OPCML: variants seen among roughly 807,000 people sequenced by gnomAD.
The protein encoded by OPCML is opioid-binding protein/cell adhesion molecule.
OPCML carries 13 observed loss-of-function variants against 37.8 expected under a neutral mutation model. The ratio of observed to expected loss-of-function variants is 0.34; its 90% CI spans 0.22 to 0.55. OPCML has a LOEUF of 0.55. Among genes scored for constraint, OPCML ranks in the 20% least tolerant of loss-of-function variants. The pLI, the probability that OPCML is intolerant of heterozygous loss-of-function variation, is 0.91. For missense variants in OPCML, 341 were observed against 435.6 expected (o/e 0.78, Z 1.93); for synonymous variants, 176 against 168.8 (o/e 1.04, Z -0.33).
chr11:132,707,288 G>A (rs938964538), intron 2 of OPCML, among the ~76,000 whole-genome samples: 11 of 152,184 alleles, frequency 7.2e-5, no homozygotes, highest in African/African-American at 2.4e-4. Flanking sequence ...AGGATGAGAC[G>A]GCAACAAACA....
At chr11:132,464,805 G>A (rs1213687343) in intron 4 of OPCML, among the ~76,000 whole-genome samples, 1 of 152,058 alleles carries the variant, frequency 6.6e-6, no homozygotes, top group Non-Finnish European at 1.5e-5. Flanking sequence ...TAAACTCCCT[G>A]ATAAAAGATT....
chr11:133,510,097 G>A (rs1032245604), intron 1 of OPCML, among the ~76,000 whole-genome samples: 2 of 152,184 alleles, frequency 1.3e-5, no homozygotes, highest in African/African-American at 4.8e-5. Context: ...CAGTCACCCA[G>A]CCTGTTCTGA....
chr11:132,680,173 C>T lies in OPCML; in HGVS notation c.147-22854G>A, dbSNP rs61117581. Among the ~76,000 whole-genome samples, 13 of 152,280 alleles carry T rather than the reference C, an allele frequency of 8.5e-5. No homozygotes were observed. In the East Asian group the frequency reaches 2.5e-3, roughly 29 times the overall value. On this transcript the variant is annotated intron_variant, in intron 2 of 7. Transcript: ENST00000524381. ...GAGTGGCCGTGATCAAGCCATTGTG[C>T]AATGCACCTGCCCCTCACCCAGTGC...
intron 1 of OPCML, among the ~76,000 whole-genome samples, chr11:133,257,287 A>G (rs1215673163): frequency 6.6e-6 from 1 of 152,236 alleles, no homozygotes; most frequent in Non-Finnish European, 1.5e-5. Flanking sequence ...TTATTCCTGA[A>G]TAGGAGTCCA....
chr11:133,207,792 C>G (rs1392726488), intron 1 of OPCML, among the ~76,000 whole-genome samples: 1 of 152,076 alleles, frequency 6.6e-6, no homozygotes, highest in Non-Finnish European at 1.5e-5. Context: ...GATACATTGC[C>G]GTCACTATGA....
intron 2 of OPCML, among the ~76,000 whole-genome samples, chr11:132,765,047 G>A (rs114146937): frequency 2.6e-5 from 4 of 151,928 alleles, no homozygotes; most frequent in African/African-American, 9.6e-5. Flanking sequence ...TAGGCATGAG[G>A]GAGCTAGCGT....
At chr11:133,465,311 C>T (rs1565649779) in intron 1 of OPCML, among the ~76,000 whole-genome samples, 1 of 152,144 alleles carries the variant, frequency 6.6e-6, no homozygotes, top group African/African-American at 2.4e-5. Flanking sequence ...CATACCCAAG[C>T]GATCTAGAGT....
chr11:132,836,121 C>T (rs527535820), intron 2 of OPCML, among the ~76,000 whole-genome samples: 46 of 152,168 alleles, frequency 3.0e-4, no homozygotes, highest in Admixed American at 5.9e-4. Context: ...AGAACATAAA[C>T]GGCCTCCATG....
intron 1 of OPCML, among the ~76,000 whole-genome samples, chr11:133,451,487 A>T (rs1451121492): frequency 6.6e-6 from 1 of 151,686 alleles, no homozygotes; most frequent in Non-Finnish European, 1.5e-5. Flanking sequence ...GCAGCTATAA[A>T]ATGAGGAAAG....
intron 1 of OPCML, among the ~76,000 whole-genome samples, chr11:133,355,595 C>T (rs1025921705): frequency 1.3e-5 from 2 of 152,280 alleles, no homozygotes; most frequent in Middle Eastern, 6.8e-3. Context: ...GTCGGTGGCA[C>T]AGCTGGGCCC....
chr11:132,644,743 C>T (rs1340360312), intron 3 of OPCML, among the ~76,000 whole-genome samples: 1 of 152,130 alleles, frequency 6.6e-6, no homozygotes, highest in East Asian at 1.9e-4. Context: ...AAACTGTTAA[C>T]CGTGGTAATG....
chr11:132,819,768 TACA>T (rs1489336604), intron 2 of OPCML, among the ~76,000 whole-genome samples: 2 of 152,216 alleles, frequency 1.3e-5, no homozygotes, highest in African/African-American at 2.4e-5. Flanking sequence ...CCTCAAGAAA[TACA>T]ACAAGAGACA....
intron 1 of OPCML, among the ~76,000 whole-genome samples, chr11:132,951,369 C>T (rs2136697648): frequency 6.6e-6 from 1 of 152,296 alleles, no homozygotes; most frequent in African/African-American, 2.4e-5. Flanking sequence ...GAGACAGCTA[C>T]CTTCTCGCTC....
chr11:133,388,580 G>A (rs1393991985), intron 1 of OPCML, among the ~76,000 whole-genome samples: 1 of 152,192 alleles, frequency 6.6e-6, no homozygotes, highest in African/African-American at 2.4e-5. Context: ...CAAAAAGGGT[G>A]TTCAGCCAGG....
intron 1 of OPCML, among the ~76,000 whole-genome samples, chr11:133,008,635 T>C (rs539825988): frequency 2.1e-4 from 32 of 152,308 alleles, no homozygotes; most frequent in African/African-American, 7.2e-4. Context: ...ACTAGGGCTA[T>C]ATGGGAGTGG....
At position 132,570,804 on chromosome 11, in the gene OPCML, T is replaced by TGAGAG. The variant is rs1271040683; in HGVS notation, c.380-41619_380-41618insCTCTC. Among the ~76,000 whole-genome samples, 782 of 90,750 alleles carry TGAGAG rather than the reference T, an allele frequency of 8.6e-3. 13 individuals are homozygous for TGAGAG. The highest frequency in any genetic ancestry group is 0.013 in the Non-Finnish European group (595 of 46,166). The allele number at this position is 90,750 out of a possible 152,430, so 59.5% of individuals were successfully genotyped here. On this transcript the variant is annotated intron_variant, in intron 3 of 7. Coordinates refer to ENST00000524381, the MANE Select transcript of OPCML (RefSeq NM_001012393.5). ...ATATATATATATATATATATATATTTAGAGAGAGAGAGAGAGGATATATAC... is the reference window on the plus strand; with the variant it reads ...ATATATATATATATATATATATATTTGAGAGAGAGAGAGAGAGAGAGGATATATAC...
At chr11:133,310,877 C>T (rs1297805529) in intron 1 of OPCML, among the ~76,000 whole-genome samples, 1 of 152,162 alleles carries the variant, frequency 6.6e-6, no homozygotes, top group Non-Finnish European at 1.5e-5. Context: ...AAATATTCTG[C>T]TAACATACTT....
chr11:133,028,512 T>C (rs181182229), intron 1 of OPCML, among the ~76,000 whole-genome samples: 1 of 147,682 alleles, frequency 6.8e-6, no homozygotes, highest in East Asian at 2.0e-4. Context: ...GTTTCAGTTG[T>C]TTGATAAGGA....
At chr11:133,479,171 T>A (rs1251513471) in intron 1 of OPCML, among the ~76,000 whole-genome samples, 1 of 152,204 alleles carries the variant, frequency 6.6e-6, no homozygotes, top group Non-Finnish European at 1.5e-5. Flanking sequence ...CAGCTGAACC[T>A]CTTGGAGGAA....
Sources: gnomAD v4.1 joint callset for allele counts (sites outside exome capture counted in the v4.1 genomes callset) on GRCh38, gnomAD v4.1.1 for gene constraint, MANE v1.5 for transcripts, NCBI Gene and HGNC (gene_info 2026-07-23, HGNC 2026-07-21) for gene names.